Variants in GRHL2 observed in about 807,000 individuals in gnomAD.
GRHL2 encodes grainyhead-like protein 2 homolog.
In GRHL2, 21 loss-of-function variants were observed where a neutral mutation model predicts 83.8. The observed-to-expected ratio is 0.25, with a 90% CI of 0.18 to 0.36. The LOEUF is 0.36. GRHL2 is among the 10% of genes least tolerant of loss of function. GRHL2 has a pLI of 1.00. For synonymous variants in GRHL2, 280 were observed against 278.9 expected (o/e 1.00, Z -0.04); for missense variants, 623 against 781.8 (o/e 0.80, Z 2.42).
chr8:101,557,003 G>A (rs1402594771), intron 3 of GRHL2, among the ~76,000 whole-genome samples: 4 of 151,758 alleles, frequency 2.6e-5, no homozygotes, highest in Admixed American at 1.3e-4. Context: ...CTCCAGTTCA[G>A]CAATGATAAA....
chr8:101,616,940 T>C (rs1275125158), intron 8 of GRHL2, among the ~76,000 whole-genome samples: 1 of 152,226 alleles, frequency 6.6e-6, no homozygotes, highest in African/African-American at 2.4e-5. Context: ...CAACTTTTAA[T>C]GGTATATATT....
chr8:101,554,506 G>A (rs926999620), intron 3 of GRHL2, among the ~76,000 whole-genome samples: 3 of 151,312 alleles, frequency 2.0e-5, no homozygotes, highest in South Asian at 2.1e-4. Context: ...TTACTTTTGT[G>A]ATTTTCATAG....
chr8:101,525,000 TG>T (rs769864394), intron 1 of GRHL2, among the ~76,000 whole-genome samples: 1 of 152,026 alleles, frequency 6.6e-6, no homozygotes, highest in Non-Finnish European at 1.5e-5. Flanking sequence ...TGGAGTGCAA[TG>T]GCGCGATCTC....
intron 7 of GRHL2, among the ~76,000 whole-genome samples, chr8:101,592,610 T>A (rs914273240): frequency 1.3e-5 from 2 of 152,226 alleles, no homozygotes; most frequent in African/African-American, 4.8e-5. Context: ...GGAATCGGAA[T>A]CTCTGAGAGT....
chr8:101,554,102 A>G (rs1425015489), intron 3 of GRHL2, among the ~76,000 whole-genome samples: 1 of 152,166 alleles, frequency 6.6e-6, no homozygotes, highest in African/African-American at 2.4e-5. Context: ...GTGACATTAC[A>G]GTCTTCTGTG....
At chr8:101,559,034 G>T (rs1005868112) in intron 4 of GRHL2, among the ~76,000 whole-genome samples, 4 of 151,942 alleles carry the variant, frequency 2.6e-5, no homozygotes, top group Non-Finnish European at 1.5e-5. Flanking sequence ...TATTTTTCTT[G>T]GTTCTTAGAT....
intron 1 of GRHL2, chr8:101,528,922 C>G (rs1351421897): frequency 3.3e-6 from 1 of 301,398 alleles, no homozygotes; most frequent in Non-Finnish European, 6.6e-6. Flanking sequence ...AGTCCCAAAC[C>G]TAGCTGCCCG....
At chr8:101,628,063 G>GA (rs768516287) in intron 9 of GRHL2, among the ~76,000 whole-genome samples, 1 of 152,156 alleles carries the variant, frequency 6.6e-6, no homozygotes, top group Non-Finnish European at 1.5e-5. Flanking sequence ...TTATGCAGAA[G>GA]ATGTAACTAA....
chr8:101,556,687 AAAGG>A (rs1811494432), intron 3 of GRHL2, among the ~76,000 whole-genome samples: 1 of 152,196 alleles, frequency 6.6e-6, no homozygotes, highest in South Asian at 2.1e-4. Context: ...TTAAGCCCCC[AAAGG>A]AATTCAGTGC....
At chr8:101,513,436 G>T (rs940945338) in intron 1 of GRHL2, among the ~76,000 whole-genome samples, 4 of 150,498 alleles carry the variant, frequency 2.7e-5, no homozygotes, top group African/African-American at 4.9e-5. Context: ...TAACTGACAC[G>T]GGTCTCCTCT....
chr8:101,533,510 G>A (rs930871548), intron 1 of GRHL2, among the ~76,000 whole-genome samples: 3 of 152,178 alleles, frequency 2.0e-5, no homozygotes, highest in African/African-American at 7.2e-5. Flanking sequence ...CCAGCCCTGT[G>A]GAACTTAGGT....
At chr8:101,519,397 A>C (rs1337657135) in intron 1 of GRHL2, among the ~76,000 whole-genome samples, 2 of 79,090 alleles carry the variant, frequency 2.5e-5, no homozygotes, top group Non-Finnish European at 5.1e-5. Flanking sequence ...AATATTCATC[A>C]CTTATTACTT....
intron 8 of GRHL2, among the ~76,000 whole-genome samples, chr8:101,615,300 C>T (rs10955263): frequency 0.32 from 48,375 of 152,098 alleles, 8,299 homozygotes; most frequent in African/African-American, 0.45. Flanking sequence ...CAATCCATCA[C>T]GTCGGCTCTT....
At chr8:101,594,957 G>T (rs1392931987) in intron 7 of GRHL2, among the ~76,000 whole-genome samples, 1 of 152,176 alleles carries the variant, frequency 6.6e-6, no homozygotes, top group Non-Finnish European at 1.5e-5. Context: ...CAAGGTAATG[G>T]AACCACCCAA....
intron 15 of GRHL2, 80 bp downstream of exon 15, chr8:101,664,598 CT>C: frequency 3.9e-6 from 4 of 1,023,222 alleles, no homozygotes; most frequent in Non-Finnish European, 6.1e-6. Context: ...TGATGCCTGT[CT>C]TTTGTTAGGT....
intron 1 of GRHL2, among the ~76,000 whole-genome samples, chr8:101,498,850 C>T (rs768089793): frequency 2.0e-5 from 3 of 151,916 alleles, no homozygotes; most frequent in Admixed American, 6.6e-5. Flanking sequence ...CCGAGGTGGG[C>T]GGATCACGAG....
At chr8:101,623,948 C>T (rs1002626968) in intron 9 of GRHL2, among the ~76,000 whole-genome samples, 3 of 148,662 alleles carry the variant, frequency 2.0e-5, no homozygotes, top group African/African-American at 7.5e-5. Flanking sequence ...CACAGTAGGA[C>T]AGTACGCAGT....
intron 1 of GRHL2, among the ~76,000 whole-genome samples, chr8:101,534,471 T>A (rs551869879): frequency 1.3e-3 from 195 of 151,792 alleles, no homozygotes; most frequent in African/African-American, 4.6e-3. Context: ...AGCTGCAGAG[T>A]TTTATTATCT....
chr8:101,539,917 G>A (rs968776231), intron 1 of GRHL2, among the ~76,000 whole-genome samples: 24 of 152,122 alleles, frequency 1.6e-4, no homozygotes, highest in African/African-American at 5.6e-4. Context: ...CTGTGATAGT[G>A]ATATTCTCTC....
Sources: allele counts gnomAD v4.1 joint callset (sites outside exome capture counted in the v4.1 genomes callset), GRCh38; gene constraint gnomAD v4.1.1; transcripts MANE v1.5; gene names NCBI Gene and HGNC (gene_info 2026-07-23, HGNC 2026-07-21).